The following JAKMIP3 variants were observed in gnomAD, a reference collection of about 807,000 sequenced individuals.
JAKMIP3 encodes the protein Janus kinase and microtubule interacting protein 3.
JAKMIP3 carries 58 observed loss-of-function variants against 118.5 expected under a neutral mutation model. The observed-to-expected ratio is 0.49, with a 90% CI of 0.40 to 0.61. The LOEUF (loss-of-function observed/expected upper bound fraction) is 0.61, where lower values mean the gene tolerates loss of function less well. Ranked by LOEUF, JAKMIP3 falls within the 20% of genes least tolerant of loss-of-function variation. JAKMIP3 has a pLI of 0.00. For synonymous variants in JAKMIP3, 486 were observed against 451.2 expected (o/e 1.08, Z -0.98); for missense variants, 950 against 1,109.0 (o/e 0.86, Z 2.04).
At chr10:132,126,486 A>G (rs1300715096) in intron 3 of JAKMIP3, among the ~76,000 whole-genome samples, 1 of 151,940 alleles carries the variant, frequency 6.6e-6, no homozygotes, top group Non-Finnish European at 1.5e-5. Context: ...AATTTGTTGT[A>G]GAGACAGGGT....
intron 2 of JAKMIP3, among the ~76,000 whole-genome samples, chr10:132,107,547 A>C (rs1471180392): frequency 6.6e-6 from 1 of 152,224 alleles, no homozygotes; most frequent in Non-Finnish European, 1.5e-5. Context: ...TGTTTGCCTC[A>C]GAGCTCCTCA....
intron 1 of JAKMIP3, among the ~76,000 whole-genome samples, chr10:132,092,989 T>G (rs2043291859): frequency 1.3e-5 from 2 of 152,372 alleles, no homozygotes; most frequent in South Asian, 2.1e-4. Context: ...CTTCTAACAG[T>G]CAGGACCCTC....
intron 10 of JAKMIP3, among the ~76,000 whole-genome samples, chr10:132,141,358 C>T (rs754661055): frequency 7.2e-5 from 11 of 152,186 alleles, no homozygotes; most frequent in South Asian, 4.1e-4. Context: ...GGGGGTCCAC[C>T]GGGACCCTTT....
intron 2 of JAKMIP3, among the ~76,000 whole-genome samples, chr10:132,109,844 G>T (rs7897877): frequency 0.19 from 28,410 of 152,218 alleles, 2,734 homozygotes; most frequent in East Asian, 0.29. Flanking sequence ...CACAAAATGT[G>T]GGGATCCTTG....
intron 1 of JAKMIP3, among the ~76,000 whole-genome samples, chr10:132,054,972 G>A (rs981011271): frequency 6.6e-6 from 1 of 151,610 alleles, no homozygotes; most frequent in African/African-American, 2.4e-5. Flanking sequence ...CTCCTACACC[G>A]AGGACCCTCC....
chr10:132,138,094 C>A (rs2052238463), intron 8 of JAKMIP3, 25 bp from the exon 9 acceptor site: 1 of 1,607,538 alleles, frequency 6.2e-7, no homozygotes, highest in Non-Finnish European at 8.5e-7. Context: ...ACCACTTACA[C>A]AACCTCTTCA....
chr10:132,152,987 C>T lies in JAKMIP3; in HGVS notation c.2037C>T (p.Val679=). ...TGACCAATGAGGAGCAGGTGGTTGT[C>T]ATACAAGCCAGGACAGTCCTGACCT... ...SNLTNEEQVV[V]IQARTVLTLA... Residue 679 remains valine (V), a synonymous_variant, in exon 17 of 24, where the codon GTC becomes GTT. Coordinates refer to ENST00000684848, the MANE Select transcript of JAKMIP3 (RefSeq NM_001323087.2). The T allele has an allele frequency of 1.2e-6, 2 of 1,608,752 alleles. No individual in the cohort carries two copies. Among genetic ancestry groups the T allele is most frequent in the South Asian group, 2.2e-5 (2 of 89,668 alleles).
intron 2 of JAKMIP3, among the ~76,000 whole-genome samples, chr10:132,105,809 C>T (rs2045810827): frequency 6.6e-6 from 1 of 152,178 alleles, no homozygotes; most frequent in East Asian, 1.9e-4. Context: ...CTGGGTCACG[C>T]GTGGATGGTG....
intron 1 of JAKMIP3, among the ~76,000 whole-genome samples, chr10:132,078,503 A>G (rs1022087515): frequency 6.6e-6 from 1 of 151,648 alleles, no homozygotes; most frequent in African/African-American, 2.4e-5. Flanking sequence ...TAGAATTTTA[A>G]GGTAGAAAGG....
upstream of JAKMIP3, among the ~76,000 whole-genome samples, chr10:132,059,937 G>A (rs565252675): frequency 2.0e-5 from 3 of 152,340 alleles, no homozygotes; most frequent in South Asian, 6.2e-4. Context: ...GTGGAGCCGT[G>A]AGCCCTGGAG....
At chr10:132,084,470 A>G (rs1482932462) in intron 1 of JAKMIP3, among the ~76,000 whole-genome samples, 1 of 152,210 alleles carries the variant, frequency 6.6e-6, no homozygotes, top group Non-Finnish European at 1.5e-5. Context: ...GTATACAATC[A>G]TATCATCAGC....
chr10:132,135,743 G>T (rs1036753546), intron 5 of JAKMIP3, among the ~76,000 whole-genome samples, 187 bp from the exon 6 acceptor site: 5 of 152,208 alleles, frequency 3.3e-5, no homozygotes, highest in African/African-American at 1.2e-4. Flanking sequence ...GTTCACCAGT[G>T]CTCTGGGCAA....
At chr10:132,080,518 TTTTTTTTTTTTTTTTTTTTTTA>T (rs1488832447) in intron 1 of JAKMIP3, among the ~76,000 whole-genome samples, 1 of 90,508 alleles carries the variant, frequency 1.1e-5, no homozygotes, top group African/African-American at 4.0e-5. Context: ...TTTTTTTTTT[TTTTTTTTTTTTTTTTTTTTTTA>T]AGATGGAGTC....
intron 1 of JAKMIP3, among the ~76,000 whole-genome samples, chr10:132,076,106 C>T (rs1184391162): frequency 6.6e-6 from 1 of 152,222 alleles, no homozygotes; most frequent in Non-Finnish European, 1.5e-5. Flanking sequence ...ACCACAAATT[C>T]AGAACATTTC....
intron 1 of JAKMIP3, among the ~76,000 whole-genome samples, chr10:132,081,602 A>G (rs1359789265): frequency 2.6e-5 from 4 of 151,952 alleles, no homozygotes; most frequent in African/African-American, 7.3e-5. Context: ...AGGTCTGGAG[A>G]TGGGTAGTGC....
chr10:132,152,812 T>G, intron 16 of JAKMIP3, 146 bp from the exon 17 acceptor site: 1 of 609,470 alleles, frequency 1.6e-6, no homozygotes, highest in Non-Finnish European at 3.0e-6. Flanking sequence ...GGGAGGGAGA[T>G]GTCAGTCAAA....
chr10:132,062,599 T>C (rs1350177698), upstream of JAKMIP3, among the ~76,000 whole-genome samples: 2 of 152,140 alleles, frequency 1.3e-5, no homozygotes, highest in Non-Finnish European at 2.9e-5. Flanking sequence ...AAAAAGAAAA[T>C]TGCAAAAGGA....
intron 1 of JAKMIP3, among the ~76,000 whole-genome samples, chr10:132,097,175 G>A (rs1206518843): frequency 6.6e-6 from 1 of 152,264 alleles, no homozygotes; most frequent in Non-Finnish European, 1.5e-5. Flanking sequence ...GCTGGTGGGA[G>A]GCAAGGCCCC....
chr10:132,149,125 T>C (rs917383525), intron 14 of JAKMIP3, among the ~76,000 whole-genome samples: 1 of 152,094 alleles, frequency 6.6e-6, no homozygotes, highest in Non-Finnish European at 1.5e-5. Flanking sequence ...CACTGAGGGA[T>C]GTGCCCGTGG....
Sources: gnomAD v4.1 joint callset for allele counts (sites outside exome capture counted in the v4.1 genomes callset) on GRCh38, gnomAD v4.1.1 for gene constraint, MANE v1.5 for transcripts, NCBI Gene and HGNC (gene_info 2026-07-23, HGNC 2026-07-21) for gene names.